STK32B: variants seen among roughly 807,000 people sequenced by gnomAD.
STK32B encodes serine/threonine kinase 32B, also known as serine/threonine-protein kinase 32B.
Under a neutral mutation model 52.6 loss-of-function variants are expected in STK32B, and 43 were observed. That is an observed-to-expected ratio of 0.82 (90% CI 0.64 to 1.05). The LOEUF (loss-of-function observed/expected upper bound fraction) is 1.05, where lower values mean the gene tolerates loss of function less well. Ranked by LOEUF, STK32B falls within the 50% of genes least tolerant of loss-of-function variation. STK32B has a pLI of 0.00. For missense variants in STK32B, 621 were observed against 534.6 expected (o/e 1.16, Z -1.59); for synonymous variants, 238 against 204.3 (o/e 1.17, Z -1.41).
At chr4:5,463,115 C>T (rs554061121) in intron 9 of STK32B, among the ~76,000 whole-genome samples, 8 of 152,340 alleles carry the variant, frequency 5.3e-5, no homozygotes, top group South Asian at 2.1e-4. Context: ...CTGCTCTGCG[C>T]GCATTCCCGT....
chr4:5,332,658 C>G (rs956459871), intron 4 of STK32B, among the ~76,000 whole-genome samples: 11 of 152,114 alleles, frequency 7.2e-5, no homozygotes, highest in Admixed American at 4.6e-4. Context: ...GCCTCCACCC[C>G]ACAACAGTCC....
intron 3 of STK32B, among the ~76,000 whole-genome samples, chr4:5,278,318 G>A (rs546594736): frequency 8.5e-5 from 13 of 152,348 alleles, no homozygotes; most frequent in Admixed American, 2.0e-4. Context: ...CTGAGCCAAT[G>A]CTGCAGCTGC....
chr4:5,480,797 T>C (rs1343877229), intron 11 of STK32B, among the ~76,000 whole-genome samples: 1 of 152,188 alleles, frequency 6.6e-6, no homozygotes, highest in South Asian at 2.1e-4. Flanking sequence ...GTGTTCTCAT[T>C]GTTCAATTCC....
chr4:5,312,229 A>T (rs1212909659), intron 3 of STK32B, among the ~76,000 whole-genome samples: 1 of 150,248 alleles, frequency 6.7e-6, no homozygotes, highest in East Asian at 1.9e-4. Context: ...TTTTTCTAGA[A>T]GCTTTATGGT....
chr4:5,269,737 G>A (rs1727297298), intron 3 of STK32B, among the ~76,000 whole-genome samples: 1 of 152,078 alleles, frequency 6.6e-6, no homozygotes, highest in Non-Finnish European at 1.5e-5. Context: ...AAAAAAATTA[G>A]TGAACTTAAA....
chr4:5,128,991 C>T (rs1470607480), intron 1 of STK32B, among the ~76,000 whole-genome samples: 1 of 152,156 alleles, frequency 6.6e-6, no homozygotes, highest in Non-Finnish European at 1.5e-5. Context: ...GGAGAGCTGT[C>T]GATTCCAGCC....
intron 4 of STK32B, among the ~76,000 whole-genome samples, chr4:5,388,763 G>C (rs890571106): frequency 6.6e-6 from 1 of 152,252 alleles, no homozygotes; most frequent in African/African-American, 2.4e-5. Flanking sequence ...ATTGGGCCAA[G>C]GGAGGGATGT....
At chr4:5,281,900 G>C (rs1251232152) in intron 3 of STK32B, among the ~76,000 whole-genome samples, 5 of 151,914 alleles carry the variant, frequency 3.3e-5, no homozygotes, top group Admixed American at 1.3e-4. Flanking sequence ...AGATACATAT[G>C]TTACATATTT....
chr4:5,105,084 G>A (rs996780827), intron 1 of STK32B, among the ~76,000 whole-genome samples: 1 of 152,150 alleles, frequency 6.6e-6, no homozygotes, highest in Non-Finnish European at 1.5e-5. Flanking sequence ...TATCCTTATT[G>A]ACAATTGTTG....
At chr4:5,242,549 T>C (rs1725111448) in intron 3 of STK32B, among the ~76,000 whole-genome samples, 1 of 152,232 alleles carries the variant, frequency 6.6e-6, no homozygotes, top group Admixed American at 6.5e-5. Flanking sequence ...CTGATGGTGG[T>C]TTCTTTTGCT....
intron 1 of STK32B, among the ~76,000 whole-genome samples, chr4:5,068,100 C>T (rs889122424): frequency 3.3e-5 from 5 of 151,954 alleles, no homozygotes; most frequent in East Asian, 1.9e-4. Flanking sequence ...TGGCAAAAAC[C>T]GCAATAACTT....
chr4:5,495,576 C>G (rs181949353), intron 11 of STK32B, among the ~76,000 whole-genome samples: 1 of 152,182 alleles, frequency 6.6e-6, no homozygotes, highest in African/African-American at 2.4e-5. Flanking sequence ...TCTCTCAACT[C>G]GTCAAAGTCA....
chr4:5,482,753 T>G (rs1475301778), intron 11 of STK32B, among the ~76,000 whole-genome samples: 1 of 152,204 alleles, frequency 6.6e-6, no homozygotes, highest in Admixed American at 6.5e-5. Flanking sequence ...TATTTTGAGA[T>G]ATGTCCCATC....
At chr4:5,256,424 G>A (rs1330421207) in intron 3 of STK32B, among the ~76,000 whole-genome samples, 2 of 152,132 alleles carry the variant, frequency 1.3e-5, no homozygotes, top group Admixed American at 6.5e-5. Flanking sequence ...AAGGAGTTTG[G>A]TACTTAAAAG....
At chr4:5,234,332 C>T (rs745850776) in intron 3 of STK32B, among the ~76,000 whole-genome samples, 10 of 152,128 alleles carry the variant, frequency 6.6e-5, no homozygotes, top group Non-Finnish European at 1.3e-4. Flanking sequence ...ACCAAGTGCA[C>T]GTTGCACCTT....
At position 5,394,090 on chromosome 4, in the gene STK32B, C is replaced by T. The variant is rs1736736527; in HGVS notation, c.435-4117C>T. Among the ~76,000 whole-genome samples the T allele has an allele frequency of 1.3e-5, 2 of 152,138 alleles. No individual in the cohort carries two copies. The highest frequency in any genetic ancestry group is 4.1e-4 in the South Asian group (2 of 4,820). On this transcript the variant is annotated intron_variant, in intron 4 of 11. Coordinates refer to ENST00000282908, the MANE Select transcript of STK32B (RefSeq NM_018401.3). This position sits in a 1 kb window ranked among gnomAD's most constrained non-coding sequence, Gnocchi z 4.2. ...ACACATGCAGAAACATCCTGGTGGCCCTGCTTTGCAGTCTGTGCATGGGTA... is the reference window on the plus strand; with the variant it reads ...ACACATGCAGAAACATCCTGGTGGCTCTGCTTTGCAGTCTGTGCATGGGTA...
At chr4:5,249,651 C>T (rs935435137) in intron 3 of STK32B, among the ~76,000 whole-genome samples, 13 of 152,156 alleles carry the variant, frequency 8.5e-5, no homozygotes, top group African/African-American at 2.9e-4. Context: ...ATTTTCTCAG[C>T]ATAATTTCAC....
chr4:5,335,830 T>G (rs1218364913), intron 4 of STK32B, among the ~76,000 whole-genome samples: 2 of 152,106 alleles, frequency 1.3e-5, no homozygotes, highest in Non-Finnish European at 2.9e-5. Context: ...TTGATTGCAC[T>G]GTGATCTGAG....
intron 1 of STK32B, among the ~76,000 whole-genome samples, chr4:5,109,081 A>G (rs1322734385): frequency 6.6e-6 from 1 of 152,160 alleles, no homozygotes; most frequent in Non-Finnish European, 1.5e-5. Flanking sequence ...TTGTCCAGTT[A>G]ATGCAGACTA....
Sources: allele counts gnomAD v4.1 joint callset (sites outside exome capture counted in the v4.1 genomes callset), GRCh38; gene constraint gnomAD v4.1.1; non-coding constraint Gnocchi (gnomAD v3.1); transcripts MANE v1.5; gene names NCBI Gene and HGNC (gene_info 2026-07-23, HGNC 2026-07-21).